ADSS2: variants seen among roughly 807,000 people sequenced by gnomAD.
The protein encoded by ADSS2 is adenylosuccinate synthetase isozyme 2.
ADSS2 carries 30 observed loss-of-function variants against 60.0 expected under a neutral mutation model. The observed-to-expected ratio is 0.50, with a 90% CI of 0.37 to 0.68. ADSS2 has a LOEUF of 0.68. Among genes scored for constraint, ADSS2 ranks in the 30% least tolerant of loss-of-function variants. The pLI is 0.00. For synonymous variants in ADSS2, 187 were observed against 193.1 expected (o/e 0.97, Z 0.26); for missense variants, 373 against 554.8 (o/e 0.67, Z 3.29).
rs768070550 is a variant in ADSS2, at chr1:244,437,648, T to C, written c.286+18A>G. The C allele has an allele frequency of 1.3e-6, 2 of 1,509,984 alleles. No individual in the cohort carries two copies. The highest frequency in any genetic ancestry group is 2.3e-5 in the South Asian group (2 of 88,440). The allele number at this position is 1,509,984 out of a possible 1,614,324, so 93.5% of individuals were successfully genotyped here. ...CTGGTGGGGGGGAATCTCCATGCAG[T>C]TCAGTTTATATACTTACCAATGAAT... On this transcript the variant is annotated intron_variant, in intron 2 of 12. Coordinates refer to ENST00000366535, the MANE Select transcript of ADSS2 (RefSeq NM_001126.5).
rs1664738937 is a variant in ADSS2, at chr1:244,424,037, A to G, written c.497T>C (p.Ile166Thr). ...AGCTTTGGACGAATAAACTGGGCCA[A>G]TGCCCTTTTTTGTTGTACCCAAACT... ...GKNLGTTKKG[I>T]GPVYSSKAAR... The change falls in exon 6 of 13, where the codon ATT becomes ACT. Residue 166 changes from isoleucine (I) to threonine (T), a missense_variant. Transcript: ENST00000366535. The G allele has an allele frequency of 6.2e-7, 1 of 1,612,390 alleles. No individual in the cohort carries two copies. The highest frequency in any genetic ancestry group is 1.7e-5 in the Admixed American group (1 of 59,494).
intron 1 of ADSS2, among the ~76,000 whole-genome samples, chr1:244,446,829 T>C (rs919397483): frequency 6.6e-6 from 1 of 152,138 alleles, no homozygotes; most frequent in Non-Finnish European, 1.5e-5. Flanking sequence ...CTAATTAAAT[T>C]CATGAAAATA....
chr1:244,437,756 C>G lies in ADSS2; in HGVS notation c.196G>C (p.Ala66Pro). ...GAATCCACAACAACTGTATGGCCAG[C>G]ATTATTTCCTCCCTAAAATGTAAGA... ...IVCRCQGGNN[A>P]GHTVVVDSVE... The change falls in exon 2 of 13, where the codon GCT becomes CCT. Residue 66 changes from alanine to proline, a missense_variant. By Grantham distance (27) the Ala-to-Pro change is conservative. Transcript: ENST00000366535. The G allele has an allele frequency of 6.2e-7, 1 of 1,602,434 alleles. No homozygotes were observed.
At chr1:244,419,407 T>A (rs182023639) in intron 8 of ADSS2, 118 of 152,696 alleles carry the variant, frequency 7.7e-4, no homozygotes, top group Non-Finnish European at 1.4e-3. Flanking sequence ...AATTAAAGAG[T>A]GGCATACTTT....
At chr1:244,441,182 C>T (rs1180937278) in intron 1 of ADSS2, among the ~76,000 whole-genome samples, 1 of 152,102 alleles carries the variant, frequency 6.6e-6, no homozygotes, top group Non-Finnish European at 1.5e-5. Context: ...CCTCAGTCCC[C>T]CAAGTAGCTG....
At position 244,417,699 on chromosome 1, in the gene ADSS2, T is replaced by C. The variant is rs1390853293; in HGVS notation, c.999A>G (p.Gly333=). 1.9e-6 allele frequency: 3 copies of C among 1,613,100 alleles called. No homozygotes were observed. The East Asian group carries it at 6.7e-5, about 36-fold the overall frequency. Reference sequence around the variant, plus strand: ...CCAACCAGCCACATCTTCTTTTCCTTCCAGTAGTTACACCAAACTCTCTAC... The same window carrying C: ...CCAACCAGCCACATCTTCTTTTCCTCCCAGTAGTTACACCAAACTCTCTAC... The part of the protein sequence containing the change: ...TRGREFGVTT[G]RKRRCGWLDL... The change falls in exon 10 of 13, where the codon GGA becomes GGG. Residue 333 remains glycine (G), a synonymous_variant. Coordinates refer to ENST00000366535, the MANE Select transcript of ADSS2 (RefSeq NM_001126.5).
intron 12 of ADSS2, among the ~76,000 whole-genome samples, chr1:244,411,082 G>A (rs1202412373): frequency 1.3e-5 from 2 of 151,980 alleles, no homozygotes; most frequent in Admixed American, 6.6e-5. Flanking sequence ...TTAGCCAGGC[G>A]TGGTGGCGCG....
At position 244,424,022 on chromosome 1, in the gene ADSS2, G is replaced by A. The variant is rs749735276; in HGVS notation, c.512C>T (p.Ser171Leu). The stretch of plus-strand genomic sequence containing the variant: ...GAGTCCACTCCGAGCAGCTTTGGAC[G>A]AATAAACTGGGCCAATGCCCTTTTT... ...TTKKGIGPVYSSKAARSGLRM... is the reference protein window; with the variant it reads ...TTKKGIGPVYLSKAARSGLRM... The change falls in exon 6 of 13, where the codon TCG becomes TTG. Residue 171 changes from serine to leucine, a missense_variant. By Grantham distance (145) the Ser-to-Leu change is moderately radical. This residue lies in a region of ADSS2 where 139 missense variants were observed against 189.4 expected (regional missense o/e 0.73). Transcript: ENST00000366535. 6.2e-7 allele frequency: 1 copy of A among 1,613,048 alleles called. No homozygotes were observed. Among genetic ancestry groups the A allele is most frequent in the South Asian group, 1.1e-5 (1 of 90,882 alleles).
intron 1 of ADSS2, among the ~76,000 whole-genome samples, chr1:244,449,614 G>C (rs1017013201): frequency 2.6e-5 from 4 of 152,126 alleles, no homozygotes; most frequent in Non-Finnish European, 4.4e-5. Flanking sequence ...AAGAGATAAT[G>C]CTTAAATCTA....
chr1:244,409,729 A>C, intron 12 of ADSS2, 91 bp from the exon 13 acceptor site: 1 of 986,256 alleles, frequency 1.0e-6, no homozygotes, highest in Non-Finnish European at 1.6e-6. Context: ...TACTTTTCTC[A>C]GTATCACCAT....
intron 4 of ADSS2, among the ~76,000 whole-genome samples, chr1:244,429,725 C>CA (rs1664889852): frequency 6.6e-6 from 1 of 151,756 alleles, no homozygotes; most frequent in African/African-American, 2.4e-5. Context: ...ACTAAAAACA[C>CA]AAAAAAATAA....
intron 1 of ADSS2, among the ~76,000 whole-genome samples, chr1:244,445,790 G>A (rs3006004): frequency 0.23 from 34,636 of 152,084 alleles, 4,291 homozygotes; most frequent in Middle Eastern, 0.31. Context: ...TTTCTGCTGT[G>A]GTAGAGAGAT....
intron 6 of ADSS2, 104 bp downstream of exon 6, chr1:244,423,849 C>T (rs533491651): frequency 2.5e-6 from 2 of 793,356 alleles, no homozygotes; most frequent in African/African-American, 1.8e-5. Context: ...AAGCCAACCA[C>T]CACTATTTAA....
At chr1:244,437,628 G>A in intron 2 of ADSS2, 38 bp downstream of exon 2, 1 of 1,344,836 alleles carries the variant, frequency 7.4e-7, no homozygotes, top group Non-Finnish European at 1.1e-6. Flanking sequence ...ATCAACTGGT[G>A]GGGGGGAATC....
intron 8 of ADSS2, 44 bp downstream of exon 8, chr1:244,420,126 G>C: frequency 1.3e-6 from 2 of 1,572,016 alleles, no homozygotes; most frequent in African/African-American, 1.4e-5. Flanking sequence ...TAACTACTTA[G>C]GGCTCAGTTA....
chr1:244,409,714 T>C, intron 12 of ADSS2, 76 bp from the exon 13 acceptor site: 1 of 1,162,644 alleles, frequency 8.6e-7, no homozygotes, highest in Non-Finnish European at 1.3e-6. Flanking sequence ...AAACAGGTAG[T>C]CCCCTACTTT....
intron 1 of ADSS2, among the ~76,000 whole-genome samples, chr1:244,441,487 A>G (rs1665246807): frequency 6.6e-6 from 1 of 152,214 alleles, no homozygotes; most frequent in Non-Finnish European, 1.5e-5. Flanking sequence ...TGAGACAACA[A>G]ATAAGGTATT....
rs180910450 is a variant in ADSS2 at position 244,413,140 on chromosome 1, G to T, written c.1169-1704C>A. ...TGGATCCTGAGGATGCTGGGTCAAG[G>T]GGGGCAGCAGGTGGTAGAACAAAGT... On this transcript the variant is annotated intron_variant, in intron 11 of 12. Coordinates refer to ENST00000366535, the MANE Select transcript of ADSS2 (RefSeq NM_001126.5). Among the ~76,000 whole-genome samples the T allele has an allele frequency of 1.1e-4, 17 of 152,314 alleles. No individual in the cohort carries two copies. In the East Asian group the frequency reaches 3.1e-3, roughly 28 times the overall value.
At chr1:244,448,957 G>A (rs1665463171) in intron 1 of ADSS2, among the ~76,000 whole-genome samples, 1 of 152,064 alleles carries the variant, frequency 6.6e-6, no homozygotes, top group Non-Finnish European at 1.5e-5. Flanking sequence ...TGAATGACCT[G>A]TACCCAGGGT....
Sources: gnomAD v4.1 joint callset for allele counts (sites outside exome capture counted in the v4.1 genomes callset) on GRCh38, gnomAD v4.1.1 for gene constraint, gnomAD v4.1.1 regional missense constraint, MANE v1.5 for transcripts, NCBI Gene and HGNC (gene_info 2026-07-23, HGNC 2026-07-21) for gene names.